The following FAM114A2 variants were observed in gnomAD, a reference collection of about 807,000 sequenced individuals.
FAM114A2 encodes the protein protein FAM114A2.
FAM114A2 carries 53 observed loss-of-function variants against 58.4 expected under a neutral mutation model. The ratio of observed to expected loss-of-function variants is 0.91; its 90% confidence interval spans 0.73 to 1.14. The LOEUF is 1.14. FAM114A2 is among the 50% of genes most tolerant of loss of function. The pLI is 0.00. For missense variants in FAM114A2, 601 were observed against 581.1 expected, an observed-to-expected ratio of 1.03 and a Z score of -0.35; for synonymous variants, 228 against 211.4, an observed-to-expected ratio of 1.08 and a Z score of -0.68.
chr5:154,006,596 T>C (rs1240850138), intron 9 of FAM114A2, among the ~76,000 whole-genome samples: 1 of 152,046 alleles, frequency 6.6e-6, no homozygotes, highest in Non-Finnish European at 1.5e-5. Context: ...AAGAGAACAC[T>C]GAGAGATGAG....
intron 7 of FAM114A2, among the ~76,000 whole-genome samples, chr5:154,026,770 G>C (rs942190917): frequency 7.4e-5 from 11 of 148,912 alleles, no homozygotes; most frequent in African/African-American, 2.7e-4. Flanking sequence ...CAACAGCTTA[G>C]AAATAACAAA....
At chr5:154,016,946 C>A (rs1297869259) in intron 8 of FAM114A2, among the ~76,000 whole-genome samples, 1 of 152,138 alleles carries the variant, frequency 6.6e-6, no homozygotes, top group Non-Finnish European at 1.5e-5. Context: ...ACATTCCATG[C>A]AAATGGACAC....
intron 4 of FAM114A2, among the ~76,000 whole-genome samples, chr5:154,031,385 A>G (rs1186354976): frequency 1.3e-5 from 2 of 148,850 alleles, no homozygotes; most frequent in African/African-American, 2.5e-5. Context: ...ACAAAAGGAA[A>G]GCAGAAGATA....
chr5:154,028,290 A>G lies in FAM114A2; in HGVS notation c.496-7T>C, dbSNP rs1290086242. The stretch of plus-strand genomic sequence containing the variant: ...CACTTATAACACTCTTTCCCTAGAA[A>G]ATACATGCAACCTCATTACAACAAT... On this transcript the variant is annotated splice_polypyrimidine_tract_variant and splice_region_variant and intron_variant, in intron 5 of 13. Transcript: ENST00000351797. The G allele has an allele frequency of 1.9e-6, 3 of 1,575,824 alleles. No individual in the cohort carries two copies. Among genetic ancestry groups the G allele is most frequent in the Non-Finnish European group, 2.6e-6 (3 of 1,151,780 alleles).
In FAM114A2 at chr5:153,992,790, G is replaced by A; in HGVS notation, c.*186C>T. ...ATTTATGAATTACAACAACTGGAAA[G>A]AATACTGTGAGAACCTGAATACTTC... On this transcript the variant is annotated 3_prime_UTR_variant, in exon 14 of 14. Transcript: ENST00000351797. 1 of 424,134 alleles carries A rather than the reference G, an allele frequency of 2.4e-6. No individual in the cohort carries two copies. Among genetic ancestry groups the A allele is most frequent in the East Asian group, 3.5e-5 (1 of 28,666 alleles). The allele number at this position is 424,134 out of a possible 1,614,324, so 26.3% of individuals were successfully genotyped here.
intron 8 of FAM114A2, among the ~76,000 whole-genome samples, chr5:154,016,836 T>C (rs1771071342): frequency 6.6e-6 from 1 of 151,968 alleles, no homozygotes; most frequent in South Asian, 2.1e-4. Flanking sequence ...AGACACAGAA[T>C]TGCAAGAAGG....
intron 4 of FAM114A2, 110 bp from the exon 5 acceptor site, chr5:154,029,690 G>A (rs972618145): frequency 4.6e-5 from 26 of 570,572 alleles, no homozygotes; most frequent in Non-Finnish European, 7.9e-5. Context: ...CTACATACTA[G>A]GCCTTAGCCC....
rs547801522 is a variant in FAM114A2, at chr5:154,021,384, A to G, written c.913+5015T>C. 2.0e-5 allele frequency among the ~76,000 whole-genome samples: 3 copies of G among 152,324 alleles called. No homozygotes were observed. In the South Asian group the frequency reaches 6.2e-4, roughly 32 times the overall value. On this transcript the variant is annotated intron_variant, in intron 8 of 13. Transcript: ENST00000351797. ...CCCTGTTTGCAGATGACATGATTGT[A>G]TATTTAGAAAACCCCATTGTCTCAG...
At chr5:153,998,392 G>A (rs957982317) in intron 11 of FAM114A2, among the ~76,000 whole-genome samples, 6 of 152,138 alleles carry the variant, frequency 3.9e-5, no homozygotes, top group African/African-American at 1.4e-4. Context: ...TCCCAACATG[G>A]CAGTATTAGG....
chr5:154,001,512 G>A (rs1769971375), intron 11 of FAM114A2, among the ~76,000 whole-genome samples: 1 of 152,172 alleles, frequency 6.6e-6, no homozygotes, highest in African/African-American at 2.4e-5. Context: ...GTGCTGTAGT[G>A]GGATGGTGAT....
Position 153,991,673 on chromosome 5 carries a change from G to C in FAM114A2, c.*1303C>G, listed in dbSNP as rs1051395198. 2.7e-5 allele frequency: 4 copies of C among 146,304 alleles called. No individual in the cohort carries two copies. Among genetic ancestry groups the C allele is most frequent in the Non-Finnish European group, 4.5e-5 (3 of 66,958 alleles). 9.1% of individuals were successfully genotyped at this position (146,304 alleles called of 1,614,324 possible). ...AGAAACAGTCTTTATACTAATCTAT[G>C]TTATGGCTTTGCTTTGCTATTTTTT... On this transcript the variant is annotated 3_prime_UTR_variant, in exon 14 of 14. Transcript: ENST00000351797.
chr5:154,000,766 G>C (rs886916545), intron 11 of FAM114A2, among the ~76,000 whole-genome samples: 1 of 152,122 alleles, frequency 6.6e-6, no homozygotes, highest in African/African-American at 2.4e-5. Context: ...CTAGAAAGCA[G>C]TATATGTTCC....
chr5:154,033,900 CT>C lies in FAM114A2; in HGVS notation c.311-18del, dbSNP rs201690165. On this transcript the variant is annotated intron_variant, in intron 3 of 13. Transcript: ENST00000351797. ...TGCCTTGTCCTAATGAGAAAAATAA[CT>C]TTTTTTTTTGCTATTTGTCACCAAA... 4.4e-3 allele frequency: 6,089 copies of C among 1,371,928 alleles called. No individual in the cohort carries two copies. Among genetic ancestry groups the C allele is most frequent in the Admixed American group, 6.2e-3 (297 of 47,538 alleles). The allele number at this position is 1,371,928 out of a possible 1,614,324, so 85.0% of individuals were successfully genotyped here. A position where few individuals can be genotyped will look rare whatever the true frequency, so the allele number is the denominator to read the frequency against.
rs779295355 is a variant in FAM114A2, at chr5:154,034,806, G to A, written c.148C>T (p.Arg50Trp). ...GAAGGTTTGGTCTCTGGTCTTTTCC[G>A]AGTGGAAACTACAGGTTCTGATTTA... Reference protein sequence around the residue: ...ESKSEPVVSTRKRPETKPSSD... With the variant: ...ESKSEPVVSTWKRPETKPSSD... Residue 50 changes from arginine to tryptophan, a missense_variant, in exon 2 of 14, where the codon CGG (arginine) becomes TGG (tryptophan). Arg to Trp is a moderately radical substitution (Grantham distance 101, BLOSUM62 -3). Coordinates refer to ENST00000351797, the MANE Select transcript of FAM114A2 (RefSeq NM_018691.4). The A allele has an allele frequency of 1.1e-5, 17 of 1,613,798 alleles. No individual in the cohort carries two copies. Among genetic ancestry groups the A allele is most frequent in the East Asian group, 2.2e-5 (1 of 44,880 alleles).
Position 154,027,387 on chromosome 5 carries a change from G to T in FAM114A2, c.631-53C>A, listed in dbSNP as rs1222296189. On this transcript the variant is annotated intron_variant, in intron 6 of 13. Coordinates refer to ENST00000351797, the MANE Select transcript of FAM114A2 (RefSeq NM_018691.4). ...TAGCAAACAATGAGAGCTCAAGGGT[G>T]AGTTCTGAGAATTGAAGGAAGCAAA... is the stretch of plus-strand genomic sequence containing the variant. 2.7e-6 allele frequency: 4 copies of T among 1,487,868 alleles called. No individual in the cohort carries two copies. The East Asian group carries it at 6.9e-5, about 26-fold the overall frequency. The allele number at this position is 1,487,868 out of a possible 1,614,324, so 92.2% of individuals were successfully genotyped here. A position where few individuals can be genotyped will look rare whatever the true frequency, so the allele number is the denominator to read the frequency against.
rs1010656642 is a variant in FAM114A2, at chr5:154,028,288, A to C, written c.496-5T>G. 1 of 1,579,982 alleles carries C rather than the reference A, an allele frequency of 6.3e-7. No individual in the cohort carries two copies. Among genetic ancestry groups the C allele is most frequent in the African/African-American group, 1.4e-5 (1 of 73,992 alleles). On this transcript the variant is annotated splice_polypyrimidine_tract_variant and splice_region_variant and intron_variant, in intron 5 of 13. Coordinates refer to ENST00000351797, the MANE Select transcript of FAM114A2 (RefSeq NM_018691.4). ...CCCACTTATAACACTCTTTCCCTAG[A>C]AAATACATGCAACCTCATTACAACA...
chr5:154,026,336 G>T, intron 8 of FAM114A2, 63 bp downstream of exon 8: 1 of 1,240,790 alleles, frequency 8.1e-7, no homozygotes, highest in Non-Finnish European at 1.1e-6. Context: ...TTATTTCAAG[G>T]GCAATGCACT....
At chr5:154,029,628 TC>T in intron 4 of FAM114A2, 48 bp from the exon 5 acceptor site, 6 of 1,042,778 alleles carry the variant, frequency 5.8e-6, no homozygotes, top group Non-Finnish European at 8.9e-6. Flanking sequence ...GTCCCTTAAC[TC>T]TCAGGCTTTA....
At chr5:154,009,941 G>A (rs1321640155) in intron 9 of FAM114A2, among the ~76,000 whole-genome samples, 1 of 152,160 alleles carries the variant, frequency 6.6e-6, no homozygotes, top group South Asian at 2.1e-4. Flanking sequence ...ACATTATTGG[G>A]TCAACTGATG....
Sources: allele counts gnomAD v4.1 joint callset (sites outside exome capture counted in the v4.1 genomes callset), GRCh38; gene constraint gnomAD v4.1.1; transcripts MANE v1.5; gene names NCBI Gene and HGNC (gene_info 2026-07-23, HGNC 2026-07-21).